Variants in EFCAB6 observed in about 807,000 individuals in gnomAD.
The protein encoded by EFCAB6 is EF-hand calcium-binding domain-containing protein 6.
Under a neutral mutation model 169.8 loss-of-function variants are expected in EFCAB6, and 156 were observed. That is an observed-to-expected ratio of 0.92 (90% CI 0.81 to 1.05). The LOEUF is 1.05. Among genes scored for constraint, EFCAB6 ranks in the 50% least tolerant of loss-of-function variants. The pLI is 0.00. For synonymous variants in EFCAB6, 698 were observed against 676.4 expected, an observed-to-expected ratio of 1.03 and a Z score of -0.50; for missense variants, 1,800 against 1,829.1, an observed-to-expected ratio of 0.98 and a Z score of 0.29.
intron 8 of EFCAB6, among the ~76,000 whole-genome samples, chr22:43,723,716 A>T (rs2147515709): frequency 6.6e-6 from 1 of 152,336 alleles, no homozygotes; most frequent in African/African-American, 2.4e-5. Flanking sequence ...CACCTTCCAG[A>T]GTTATGGCAT....
chr22:43,532,850 G>C (rs2047162768), intron 30 of EFCAB6, among the ~76,000 whole-genome samples: 1 of 152,244 alleles, frequency 6.6e-6, no homozygotes. Flanking sequence ...CCAGGGCCAG[G>C]GCTTTCAGCC....
At position 43,811,982 on chromosome 22, in the gene EFCAB6, C is replaced by T. The variant is rs532629691; in HGVS notation, c.-145+186G>A. The stretch of plus-strand genomic sequence containing the variant: ...ACTGTTCCCCACAGGGCCCCAGGGC[C>T]TACAACATGCCTGGCACAAGCAGAC... On this transcript the variant is annotated intron_variant, in intron 1 of 31. Coordinates refer to ENST00000262726, the MANE Select transcript of EFCAB6 (RefSeq NM_022785.4). Among the ~76,000 whole-genome samples the T allele has an allele frequency of 2.6e-3, 400 of 152,314 alleles. 1 individual carries two copies. Among genetic ancestry groups the T allele is most frequent in the Admixed American group, 4.4e-3 (68 of 15,304 alleles).
chr22:43,773,330 G>GA (rs1043406250), intron 3 of EFCAB6, among the ~76,000 whole-genome samples: 9 of 149,372 alleles, frequency 6.0e-5, no homozygotes, highest in South Asian at 4.2e-4. Context: ...ACAATAGTAA[G>GA]AAAAAAAAAG....
chr22:43,800,165 G>A (rs191423647), intron 2 of EFCAB6, among the ~76,000 whole-genome samples: 136 of 152,234 alleles, frequency 8.9e-4, no homozygotes, highest in African/African-American at 3.0e-3. Context: ...CCTACTGGTC[G>A]CCTGGACACA....
chr22:43,612,513 T>A (rs1467500407), intron 21 of EFCAB6, among the ~76,000 whole-genome samples: 2 of 151,994 alleles, frequency 1.3e-5, no homozygotes, highest in South Asian at 4.1e-4. Flanking sequence ...AACAATCATA[T>A]GAAAAAAAGC....
chr22:43,599,822 C>G (rs2052360182), intron 23 of EFCAB6, among the ~76,000 whole-genome samples: 1 of 152,144 alleles, frequency 6.6e-6, no homozygotes, highest in Admixed American at 6.5e-5. Context: ...GGATCATTTT[C>G]AAGGGTGACC....
At chr22:43,584,253 C>T (rs2050912092) in intron 24 of EFCAB6, among the ~76,000 whole-genome samples, 1 of 152,124 alleles carries the variant, frequency 6.6e-6, no homozygotes, top group Admixed American at 6.5e-5. Flanking sequence ...AAAATGTCAA[C>T]CTGAAACCTG....
intron 19 of EFCAB6, 126 bp from the exon 20 acceptor site, chr22:43,626,805 G>T: frequency 1.3e-6 from 1 of 799,080 alleles, no homozygotes; most frequent in Non-Finnish European, 2.0e-6. Flanking sequence ...CCCAACTATT[G>T]CTTTTAGAGA....
At chr22:43,543,868 C>T (rs902829932) in intron 27 of EFCAB6, among the ~76,000 whole-genome samples, 6 of 152,102 alleles carry the variant, frequency 3.9e-5, no homozygotes, top group East Asian at 1.9e-4. Flanking sequence ...GCCCCAGTCC[C>T]GCACCAAGTC....
At chr22:43,541,268 C>A (rs1247573958) in intron 27 of EFCAB6, among the ~76,000 whole-genome samples, 2 of 152,210 alleles carry the variant, frequency 1.3e-5, no homozygotes, top group African/African-American at 4.8e-5. Flanking sequence ...ATTAGAGTGA[C>A]TGTCTTGGGC....
chr22:43,609,163 TAAC>T (rs2053132134), intron 21 of EFCAB6, among the ~76,000 whole-genome samples: 1 of 152,244 alleles, frequency 6.6e-6, no homozygotes, highest in South Asian at 2.1e-4. Context: ...ATCTTCTTCA[TAAC>T]AACATGATGA....
chr22:43,763,284 C>T (rs957144590), intron 5 of EFCAB6, among the ~76,000 whole-genome samples: 1 of 152,110 alleles, frequency 6.6e-6, no homozygotes, highest in Admixed American at 6.5e-5. Flanking sequence ...GGTGATCTGC[C>T]CACTTCGGCC....
chr22:43,568,940 C>G (rs2049633590), intron 26 of EFCAB6, among the ~76,000 whole-genome samples: 1 of 152,194 alleles, frequency 6.6e-6, no homozygotes, highest in Non-Finnish European at 1.5e-5. Flanking sequence ...GGGAAGGGGG[C>G]CCATGTGACC....
At chr22:43,754,450 G>A (rs2060883632) in intron 6 of EFCAB6, among the ~76,000 whole-genome samples, 1 of 152,166 alleles carries the variant, frequency 6.6e-6, no homozygotes, top group Non-Finnish European at 1.5e-5. Flanking sequence ...GTCTGTGCTG[G>A]CTGGAACACA....
chr22:43,615,826 C>A lies in EFCAB6; in HGVS notation c.2562G>T (p.Lys854Asn), dbSNP rs2053647199. 1 of 1,611,086 alleles carries A rather than the reference C, an allele frequency of 6.2e-7. No homozygotes were observed. Among genetic ancestry groups the A allele is most frequent in the Non-Finnish European group, 8.5e-7 (1 of 1,178,560 alleles). The change falls in exon 21 of 32, where the codon AAG (lysine) becomes AAT (asparagine). Residue 854 changes from lysine (K) to asparagine (N), a missense_variant and splice_region_variant. Lys to Asn is a moderately conservative substitution (Grantham distance 94). Coordinates refer to ENST00000262726, the MANE Select transcript of EFCAB6 (RefSeq NM_022785.4). Reference protein sequence around the residue: ...KAKNRWSDLSKNFLETDNEGN... With the variant: ...KAKNRWSDLSNNFLETDNEGN... ...TTTAAGGAAATAATCATTTTCTTAC[C>A]TTAGACAAGTCTGACCATCTGTTTT...
At chr22:43,617,685 C>T (rs2053788788) in intron 20 of EFCAB6, among the ~76,000 whole-genome samples, 1 of 152,170 alleles carries the variant, frequency 6.6e-6, no homozygotes, top group Admixed American at 6.5e-5. Flanking sequence ...GTCACAGATA[C>T]ATAGGAATAG....
In EFCAB6 at chr22:43,530,807, G is replaced by A. The variant is rs760641608; in HGVS notation, c.4383+8C>T. 2 of 1,613,340 alleles carry A rather than the reference G, an allele frequency of 1.2e-6. No homozygotes were observed. The highest frequency in any genetic ancestry group is 1.7e-6 in the Non-Finnish European group (2 of 1,180,030). On this transcript the variant is annotated splice_region_variant and intron_variant, in intron 31 of 31. Coordinates refer to ENST00000262726, the MANE Select transcript of EFCAB6 (RefSeq NM_022785.4). Reference sequence around the variant, plus strand: ...CTGCAGAGGCACTGGGCGCAGAGCTGTGCTCACCGTCCTGAAATCTGCGAC... The same window carrying A: ...CTGCAGAGGCACTGGGCGCAGAGCTATGCTCACCGTCCTGAAATCTGCGAC...
chr22:43,566,217 G>A (rs1309539210), intron 26 of EFCAB6, among the ~76,000 whole-genome samples: 1 of 152,202 alleles, frequency 6.6e-6, no homozygotes, highest in Non-Finnish European at 1.5e-5. Flanking sequence ...ACTCCAGCAC[G>A]CTGTTTGCAC....
intron 4 of EFCAB6, among the ~76,000 whole-genome samples, chr22:43,770,096 A>AT (rs1279094146): frequency 1.3e-5 from 2 of 152,106 alleles, no homozygotes; most frequent in African/African-American, 4.8e-5. Flanking sequence ...ACCTCAGGTG[A>AT]TCTGCCTGCT....
Sources: allele counts gnomAD v4.1 joint callset (sites outside exome capture counted in the v4.1 genomes callset), GRCh38; gene constraint gnomAD v4.1.1; transcripts MANE v1.5; gene names NCBI Gene and HGNC (gene_info 2026-07-23, HGNC 2026-07-21).